The following PTPRM variants were observed in gnomAD, a reference collection of about 807,000 sequenced individuals.
The protein encoded by PTPRM is protein tyrosine phosphatase receptor type M.
In PTPRM, 47 loss-of-function variants were observed where a neutral mutation model predicts 186.7. That is an observed-to-expected ratio of 0.25 (90% CI 0.20 to 0.32). The LOEUF (loss-of-function observed/expected upper bound fraction) is 0.32, where lower values mean the gene tolerates loss of function less well. Ranked by LOEUF, PTPRM falls within the 10% of genes least tolerant of loss-of-function variation. The pLI, the probability that PTPRM is intolerant of heterozygous loss-of-function variation, is 1.00. For missense variants in PTPRM, 1,494 were observed against 1,865.0 expected (o/e 0.80, Z 3.66); for synonymous variants, 668 against 674.9 (o/e 0.99, Z 0.16).
chr18:7,698,046 G>A (rs976219191), intron 1 of PTPRM, among the ~76,000 whole-genome samples: 2 of 152,212 alleles, frequency 1.3e-5, no homozygotes, highest in African/African-American at 2.4e-5. Flanking sequence ...AGAGGAACAT[G>A]CAAGAACAGA....
At chr18:8,366,254 G>A (rs2095628514) in intron 23 of PTPRM, among the ~76,000 whole-genome samples, 1 of 152,216 alleles carries the variant, frequency 6.6e-6, no homozygotes, top group Non-Finnish European at 1.5e-5. Flanking sequence ...CTGCGTGAGA[G>A]CCAGCACTCC....
chr18:7,979,893 G>A (rs1222738931), intron 7 of PTPRM, among the ~76,000 whole-genome samples: 1 of 152,070 alleles, frequency 6.6e-6, no homozygotes, highest in Admixed American at 6.5e-5. Context: ...AGGGTGAGGG[G>A]CCACCTTGTC....
At chr18:7,676,869 G>A (rs1445505033) in intron 1 of PTPRM, among the ~76,000 whole-genome samples, 1 of 152,148 alleles carries the variant, frequency 6.6e-6, no homozygotes, top group Non-Finnish European at 1.5e-5. Flanking sequence ...AAAAAGGTGA[G>A]TATGTTTTTA....
chr18:8,175,023 C>T (rs1191567122), intron 14 of PTPRM, among the ~76,000 whole-genome samples: 2 of 152,200 alleles, frequency 1.3e-5, no homozygotes, highest in Non-Finnish European at 2.9e-5. Context: ...TGTTTACATG[C>T]TAATGCCCTC....
chr18:7,858,405 A>G (rs9950666), intron 2 of PTPRM, among the ~76,000 whole-genome samples: 3,902 of 152,108 alleles, frequency 0.026, 170 homozygotes, highest in African/African-American at 0.088. Context: ...TAAAAAAAAA[A>G]TTAAATAAGC....
intron 1 of PTPRM, among the ~76,000 whole-genome samples, chr18:7,620,202 A>G (rs1598546570): frequency 6.6e-6 from 1 of 152,222 alleles, no homozygotes; most frequent in East Asian, 1.9e-4. Context: ...GCTGGCTGCT[A>G]CACAGGAACC....
rs138602844 is a variant in PTPRM at position 8,223,044 on chromosome 18, C to T, written c.2301-21014C>T. Among the ~76,000 whole-genome samples the T allele has an allele frequency of 3.3e-5, 5 of 152,108 alleles. No individual in the cohort carries two copies. The East Asian group carries it at 5.8e-4, about 18-fold the overall frequency. ...TTCGAGACCAGCCTGGTCAACATTG[C>T]GAAACCCCGTCTCTACTAAGAGTAC... On this transcript the variant is annotated intron_variant, in intron 14 of 32. Transcript: ENST00000580170.
intron 14 of PTPRM, among the ~76,000 whole-genome samples, chr18:8,237,214 TC>T (rs1177797777): frequency 2.6e-5 from 4 of 152,184 alleles, no homozygotes; most frequent in Admixed American, 2.0e-4. Flanking sequence ...GCTATAATCA[TC>T]AAATACTTTG....
In PTPRM at chr18:8,253,255, C is replaced by G; in HGVS notation, c.2595C>G (p.Thr865=). 1 of 1,546,694 alleles carries G rather than the reference C, an allele frequency of 6.5e-7. No individual in the cohort carries two copies. The highest frequency in any genetic ancestry group is 8.7e-7 in the Non-Finnish European group (1 of 1,145,390). ...AAACCCACACAATGGCCAGCGATAC[C>G]AGCAGCCTGGTGCAGTCCCATACTT... ...NDETHTMASD[T]SSLVQSHTYK... Residue 865 remains threonine (T), a synonymous_variant, in exon 19 of 33, where the codon ACC becomes ACG. Coordinates refer to ENST00000580170, the MANE Select transcript of PTPRM (RefSeq NM_001105244.2).
chr18:7,873,199 T>C (rs2048063066), intron 2 of PTPRM, among the ~76,000 whole-genome samples: 1 of 152,202 alleles, frequency 6.6e-6, no homozygotes, highest in African/African-American at 2.4e-5. Flanking sequence ...AGAGAATAGC[T>C]CATGTAATTT....
At chr18:7,834,700 A>G (rs893068283) in intron 2 of PTPRM, among the ~76,000 whole-genome samples, 2 of 151,626 alleles carry the variant, frequency 1.3e-5, no homozygotes, top group African/African-American at 4.8e-5. Context: ...TCATATTTAA[A>G]TGTTCGTTAG....
At chr18:7,674,014 G>A (rs560108010) in intron 1 of PTPRM, among the ~76,000 whole-genome samples, 13 of 152,302 alleles carry the variant, frequency 8.5e-5, no homozygotes, top group Admixed American at 4.6e-4. Context: ...AGCTGAGGGA[G>A]ATGTGGATGG....
intron 7 of PTPRM, among the ~76,000 whole-genome samples, chr18:8,009,012 T>C (rs886842987): frequency 1.3e-5 from 2 of 152,290 alleles, no homozygotes; most frequent in East Asian, 3.9e-4. Flanking sequence ...AAGGAGATGC[T>C]GTAGTTATCG....
intron 19 of PTPRM, among the ~76,000 whole-genome samples, chr18:8,292,871 G>A (rs2095056621): frequency 6.6e-6 from 1 of 152,174 alleles, no homozygotes; most frequent in Admixed American, 6.5e-5. Context: ...ACAATTGTTG[G>A]CCATGTGTAT....
At position 8,335,904 on chromosome 18, in the gene PTPRM, C is replaced by G. The variant is rs566305165; in HGVS notation, c.2957-7519C>G. On this transcript the variant is annotated intron_variant, in intron 22 of 32. Coordinates refer to ENST00000580170, the MANE Select transcript of PTPRM (RefSeq NM_001105244.2). ...GGGCGTGGTAGCGCACGCCTGTAGT[C>G]CCAGCTACTCTGGAGGTTGAGCCAG... is the stretch of plus-strand genomic sequence containing the variant. Among the ~76,000 whole-genome samples the G allele has an allele frequency of 2.1e-4, 32 of 152,264 alleles. No homozygotes were observed. In the South Asian group the frequency reaches 6.4e-3, roughly 31 times the overall value.
intron 1 of PTPRM, among the ~76,000 whole-genome samples, chr18:7,650,560 G>A (rs1356254008): frequency 2.0e-5 from 3 of 148,834 alleles, no homozygotes; most frequent in Non-Finnish European, 4.4e-5. Context: ...AGCCTTAAAA[G>A]TTTATTTGAA....
intron 23 of PTPRM, among the ~76,000 whole-genome samples, chr18:8,364,630 C>T (rs1459179246): frequency 6.6e-6 from 1 of 152,160 alleles, no homozygotes; most frequent in Admixed American, 6.5e-5. Context: ...TATCCATCCA[C>T]CCTCTTCTCA....
intron 19 of PTPRM, among the ~76,000 whole-genome samples, chr18:8,253,871 A>G (rs935559657): frequency 6.6e-6 from 1 of 152,140 alleles, no homozygotes; most frequent in East Asian, 1.9e-4. Flanking sequence ...CAAATACACA[A>G]TGAAAACAAA....
chr18:8,129,182 A>G (rs1600723878), intron 13 of PTPRM, among the ~76,000 whole-genome samples: 3 of 152,324 alleles, frequency 2.0e-5, no homozygotes, highest in Admixed American at 1.3e-4. Context: ...AAGATTTTAT[A>G]TTGATAGTGA....
Sources: allele counts gnomAD v4.1 joint callset (sites outside exome capture counted in the v4.1 genomes callset), GRCh38; gene constraint gnomAD v4.1.1; transcripts MANE v1.5; gene names NCBI Gene and HGNC (gene_info 2026-07-23, HGNC 2026-07-21).